Variants in NWD2 observed in about 807,000 individuals in gnomAD.
NWD2 encodes the protein NACHT and WD repeat domain containing 2, also known as NACHT and WD repeat domain-containing protein 2.
In NWD2, 37 loss-of-function variants were observed where a neutral mutation model predicts 132.7. That is an observed-to-expected ratio of 0.28 (90% confidence interval 0.21 to 0.37). NWD2 has a LOEUF of 0.37. Among genes scored for constraint, NWD2 ranks in the 10% least tolerant of loss-of-function variants. The pLI is 1.00. For missense variants in NWD2, 1,592 were observed against 2,122.4 expected, an observed-to-expected ratio of 0.75 and a Z score of 4.91; for synonymous variants, 705 against 803.0, an observed-to-expected ratio of 0.88 and a Z score of 2.06.
chr4:37,336,844 CAGGAGAATCGCTTGAAACTGGAAGGCGG>C (rs1011493613), intron 2 of NWD2, among the ~76,000 whole-genome samples: 6 of 149,374 alleles, frequency 4.0e-5, no homozygotes, highest in Admixed American at 1.4e-4. Flanking sequence ...GAGGCTGAGG[CAGGAGAATCGCTTGAAACTGGAAGGCGG>C]AGGTTGCAGT....
At chr4:37,424,535 A>G (rs1201533150) in intron 3 of NWD2, among the ~76,000 whole-genome samples, 1 of 152,252 alleles carries the variant, frequency 6.6e-6, no homozygotes, top group Non-Finnish European at 1.5e-5. Context: ...GCTTCTAGAA[A>G]GAGAAAAACA....
Position 37,430,698 on chromosome 4 carries a change from T to C in NWD2, c.484T>C (p.Cys162Arg), listed in dbSNP as rs1407056555. 1 of 1,551,612 alleles carries C rather than the reference T, an allele frequency of 6.4e-7. No individual in the cohort carries two copies. Among genetic ancestry groups the C allele is most frequent in the Non-Finnish European group, 8.7e-7 (1 of 1,146,842 alleles). The change falls in exon 4 of 7, where the codon TGT becomes CGT. Residue 162 changes from cysteine (C) to arginine (R), a missense_variant. By Grantham distance (180) the Cys-to-Arg change is radical. Coordinates refer to ENST00000309447, the MANE Select transcript of NWD2 (RefSeq NM_001144990.2). ...GACCAAGTTGCTGGAGGAGTGGTAC[T>C]GTCGAGATGAGAACTCGGTGCCAGC... ...LETKLLEEWY[C>R]RDENSVPAAY... is the part of the protein sequence containing the mutation.
At chr4:37,265,983 T>G (rs1717742424) in intron 1 of NWD2, among the ~76,000 whole-genome samples, 1 of 152,100 alleles carries the variant, frequency 6.6e-6, no homozygotes. Flanking sequence ...TCAAGATTCT[T>G]TAAGAACACT....
chr4:37,333,386 C>T (rs1188952575), intron 2 of NWD2, among the ~76,000 whole-genome samples: 5 of 152,134 alleles, frequency 3.3e-5, no homozygotes, highest in Non-Finnish European at 5.9e-5. Context: ...AAGCTCAGCA[C>T]AGAGAGAGGG....
intron 2 of NWD2, among the ~76,000 whole-genome samples, chr4:37,330,699 A>C (rs1026016427): frequency 3.3e-5 from 5 of 152,208 alleles, no homozygotes; most frequent in Admixed American, 6.5e-5. Flanking sequence ...TTAAGTCCCC[A>C]GGCCTGGAAC....
At chr4:37,387,275 G>A (rs1177177660) in intron 3 of NWD2, among the ~76,000 whole-genome samples, 7 of 151,620 alleles carry the variant, frequency 4.6e-5, no homozygotes, top group Non-Finnish European at 8.8e-5. Flanking sequence ...CCAAAATATT[G>A]CCATTTCTAC....
chr4:37,388,580 A>G (rs1720615684), intron 3 of NWD2, among the ~76,000 whole-genome samples: 2 of 147,606 alleles, frequency 1.4e-5, no homozygotes, highest in Admixed American at 1.4e-4. Flanking sequence ...ATATATTTTT[A>G]TATTGTGGGA....
At chr4:37,423,427 A>G (rs1049618830) in intron 3 of NWD2, among the ~76,000 whole-genome samples, 1 of 152,196 alleles carries the variant, frequency 6.6e-6, no homozygotes, top group Admixed American at 6.6e-5. Flanking sequence ...ATGGAGTCTG[A>G]CAAGCCCCAT....
At chr4:37,279,312 A>C (rs1367838992) in intron 1 of NWD2, among the ~76,000 whole-genome samples, 3 of 152,206 alleles carry the variant, frequency 2.0e-5, no homozygotes, top group African/African-American at 7.2e-5. Context: ...TTGGAACAAC[A>C]AAAAAGTATT....
At chr4:37,329,671 G>T (rs748602531) in intron 2 of NWD2, among the ~76,000 whole-genome samples, 4 of 152,128 alleles carry the variant, frequency 2.6e-5, no homozygotes, top group Non-Finnish European at 4.4e-5. Context: ...AATAATTACA[G>T]ATGGCATCAA....
At chr4:37,393,887 G>A (rs1245914660) in intron 3 of NWD2, among the ~76,000 whole-genome samples, 1 of 152,128 alleles carries the variant, frequency 6.6e-6, no homozygotes, top group African/African-American at 2.4e-5. Context: ...GGCTATCTTT[G>A]GAAGGGTAAT....
At chr4:37,420,536 T>C (rs933258988) in intron 3 of NWD2, among the ~76,000 whole-genome samples, 5 of 152,050 alleles carry the variant, frequency 3.3e-5, no homozygotes, top group South Asian at 2.1e-4. Flanking sequence ...ATACAAAAAT[T>C]AGCTGGTGTG....
intron 3 of NWD2, among the ~76,000 whole-genome samples, chr4:37,378,747 T>C (rs1311062845): frequency 6.6e-6 from 1 of 152,166 alleles, no homozygotes; most frequent in African/African-American, 2.4e-5. Flanking sequence ...TTGTAAATCA[T>C]AAAAATAAAA....
At chr4:37,252,800 A>G (rs958427505) in intron 1 of NWD2, among the ~76,000 whole-genome samples, 2 of 152,204 alleles carry the variant, frequency 1.3e-5, no homozygotes, top group African/African-American at 2.4e-5. Flanking sequence ...GAGAAAGGAA[A>G]TGGAAGCTGC....
At chr4:37,395,584 C>CAAAAAAAAAAAAAAAAAAAAAAA (rs1156884728) in intron 3 of NWD2, among the ~76,000 whole-genome samples, 1 of 18,276 alleles carries the variant, frequency 5.5e-5, no homozygotes, top group African/African-American at 1.9e-4. Flanking sequence ...AACTCTGTCT[C>CAAAAAAAAAAAAAAAAAAAAAAA]AAAAAAAAAA....
At chr4:37,348,604 GT>G (rs1719689471) in intron 2 of NWD2, among the ~76,000 whole-genome samples, 1 of 20,248 alleles carries the variant, frequency 4.9e-5, no homozygotes, top group African/African-American at 2.0e-4. Context: ...TTTTTTTTTT[GT>G]TGAATTTTAA....
chr4:37,272,244 A>C (rs762324437), intron 1 of NWD2, among the ~76,000 whole-genome samples: 1 of 151,624 alleles, frequency 6.6e-6, no homozygotes, highest in Non-Finnish European at 1.5e-5. Context: ...TTTCTCAGGA[A>C]GGATATTGTT....
chr4:37,361,479 T>A (rs944154016), intron 3 of NWD2, among the ~76,000 whole-genome samples: 2 of 152,176 alleles, frequency 1.3e-5, no homozygotes, highest in Non-Finnish European at 2.9e-5. Flanking sequence ...ATCAAAAAGT[T>A]AAGTCACCAT....
chr4:37,268,468 A>G (rs1717803342), intron 1 of NWD2, among the ~76,000 whole-genome samples: 4 of 151,952 alleles, frequency 2.6e-5, no homozygotes, highest in Admixed American at 6.6e-5. Context: ...TAACTAATAA[A>G]GAAAGAACCA....
Sources: allele counts gnomAD v4.1 joint callset (sites outside exome capture counted in the v4.1 genomes callset), GRCh38; gene constraint gnomAD v4.1.1; transcripts MANE v1.5; gene names NCBI Gene and HGNC (gene_info 2026-07-23, HGNC 2026-07-21).